ATP7B: variants seen among roughly 807,000 people sequenced by gnomAD.
ATP7B encodes the protein copper-transporting ATPase 2.
ATP7B carries 113 observed loss-of-function variants against 118.9 expected under a neutral mutation model. The ratio of observed to expected loss-of-function variants is 0.95; its 90% CI spans 0.82 to 1.11. The LOEUF is 1.11. ATP7B is among the 50% of genes most tolerant of loss of function. The pLI is 0.00. For missense variants in ATP7B, 1,867 were observed against 1,871.4 expected, an observed-to-expected ratio of 1.00 and a Z score of 0.04; for synonymous variants, 777 against 727.4, an observed-to-expected ratio of 1.07 and a Z score of -1.10.
intron 9 of ATP7B, among the ~76,000 whole-genome samples, chr13:51,956,387 G>A (rs548089482): frequency 2.0e-5 from 3 of 152,326 alleles, no homozygotes; most frequent in South Asian, 2.1e-4. Flanking sequence ...TGTGATACAT[G>A]GACAAGGGCA....
intron 19 of ATP7B, among the ~76,000 whole-genome samples, chr13:51,937,056 C>A (rs913950388): frequency 4.0e-5 from 6 of 151,664 alleles, no homozygotes; most frequent in Admixed American, 1.3e-4. Context: ...TCTCCACTAG[C>A]TTTTTAGAAA....
intron 4 of ATP7B, among the ~76,000 whole-genome samples, chr13:51,967,858 T>C (rs1246937171): frequency 6.6e-6 from 1 of 152,214 alleles, no homozygotes; most frequent in Non-Finnish European, 1.5e-5. Flanking sequence ...ACACATCCAT[T>C]GTTTTCAATA....
At chr13:51,935,810 G>A (rs901258393) in intron 19 of ATP7B, 115 bp from the exon 20 acceptor site, 22 of 850,894 alleles carry the variant, frequency 2.6e-5, no homozygotes, top group African/African-American at 1.5e-4. Flanking sequence ...TCCACCTGGC[G>A]TGCTCAGAAG....
intron 9 of ATP7B, among the ~76,000 whole-genome samples, chr13:51,950,807 A>G (rs1188847015): frequency 6.6e-6 from 1 of 152,186 alleles, no homozygotes; most frequent in Non-Finnish European, 1.5e-5. Context: ...TGAGACCTGC[A>G]TGCCAAGAAG....
rs903238569 is a variant in ATP7B, at chr13:51,934,028, C to T, written c.*728G>A. The T allele has an allele frequency of 6.5e-6, 1 of 153,596 alleles. No individual in the cohort carries two copies. The highest frequency in any genetic ancestry group is 1.4e-5 in the Non-Finnish European group (1 of 69,064). 9.5% of individuals were successfully genotyped at this position (153,596 alleles called of 1,614,324 possible). ...GGGGCTTTAAGCAAAAAAGAACTCT[C>T]CTCAACTTGAAGAAGAGTGTGGCAA... On this transcript the variant is annotated 3_prime_UTR_variant, in exon 21 of 21. Transcript: ENST00000242839.
At chr13:51,964,108 AACACACAC>A (rs17334263) in intron 5 of ATP7B, among the ~76,000 whole-genome samples, 1 of 145,652 alleles carries the variant, frequency 6.9e-6, no homozygotes, top group East Asian at 2.0e-4. Flanking sequence ...TCTCTCTTTA[AACACACAC>A]ACACACACAC....
chr13:51,983,646 T>C (rs962614485), intron 1 of ATP7B, among the ~76,000 whole-genome samples: 3 of 95,962 alleles, frequency 3.1e-5, no homozygotes, highest in Non-Finnish European at 6.9e-5. Flanking sequence ...GGCCAAAAGA[T>C]ACCCCATACA....
chr13:51,982,851 A>C (rs531204108), intron 1 of ATP7B, among the ~76,000 whole-genome samples: 84 of 152,322 alleles, frequency 5.5e-4, no homozygotes, highest in African/African-American at 1.9e-3. Flanking sequence ...GCCGCGAGGG[A>C]CTGTGCCATG....
chr13:51,998,159 A>G (rs1953307808), intron 1 of ATP7B, among the ~76,000 whole-genome samples: 1 of 152,124 alleles, frequency 6.6e-6, no homozygotes, highest in South Asian at 2.1e-4. Flanking sequence ...GAATTCCAGC[A>G]TCACTAATGT....
At chr13:51,979,271 T>C (rs559080047) in intron 1 of ATP7B, among the ~76,000 whole-genome samples, 10 of 152,276 alleles carry the variant, frequency 6.6e-5, no homozygotes, top group African/African-American at 2.2e-4. Context: ...TACAATTCTG[T>C]CATGGTGCTA....
intron 15 of ATP7B, 22 bp downstream of exon 15, chr13:51,942,364 C>G (rs749815334): frequency 6.2e-7 from 1 of 1,613,600 alleles, no homozygotes; most frequent in South Asian, 1.1e-5. Flanking sequence ...TAACCAGCTG[C>G]AGAGACAAAA....
intron 6 of ATP7B, among the ~76,000 whole-genome samples, chr13:51,960,790 A>C (rs1450472048): frequency 6.6e-6 from 1 of 152,220 alleles, no homozygotes; most frequent in African/African-American, 2.4e-5. Flanking sequence ...AATAGAGTCC[A>C]TGAGAACAGT....
intron 1 of ATP7B, among the ~76,000 whole-genome samples, chr13:52,007,405 A>G (rs562582098): frequency 6.6e-6 from 1 of 152,242 alleles, no homozygotes; most frequent in Admixed American, 6.5e-5. Context: ...CCCATCTGTA[A>G]AGCAATGATG....
intron 6 of ATP7B, among the ~76,000 whole-genome samples, chr13:51,961,130 C>CGT (rs1958710563): frequency 6.6e-6 from 1 of 151,946 alleles, no homozygotes; most frequent in Non-Finnish European, 1.5e-5. Flanking sequence ...AACTTCCACT[C>CGT]ATTCTTTGAG....
rs541500838 is a variant in ATP7B at position 51,993,822 on chromosome 13, G to T, written c.51+17465C>A. On this transcript the variant is annotated intron_variant, in intron 1 of 20. Transcript: ENST00000242839. ...ACTTTGCAATGAAGAATCTAAAGGA[G>T]AGTGTCCAAGACTCACCTGCCCAGG... Among the ~76,000 whole-genome samples the T allele has an allele frequency of 7.9e-5, 12 of 152,284 alleles. No individual in the cohort carries two copies. The South Asian group carries it at 1.7e-3, about 21-fold the overall frequency.
intron 4 of ATP7B, chr13:51,967,236 T>C (rs1162139200): frequency 2.1e-6 from 2 of 942,914 alleles, no homozygotes; most frequent in African/African-American, 1.7e-5. Context: ...GTTTCTTTCT[T>C]TTTTTTTTCA....
chr13:51,973,286 C>T (rs552566746), intron 2 of ATP7B, among the ~76,000 whole-genome samples: 19 of 152,284 alleles, frequency 1.2e-4, no homozygotes, highest in Non-Finnish European at 2.5e-4. Context: ...GAATTCTCTC[C>T]AGAAAAGAAG....
Position 52,011,304 on chromosome 13 carries a change from C to G in ATP7B, c.34G>C (p.Glu12Gln), listed in dbSNP as rs1382531592. ...PEQERQITAR[E>Q]GASRKILSKL... Reference sequence around the variant, plus strand: ...AAACTCACTTTCCGACTGGCCCCTTCTCTGGCTGTGATCTGTCTCTCCTGC... The same window carrying G: ...AAACTCACTTTCCGACTGGCCCCTTGTCTGGCTGTGATCTGTCTCTCCTGC... Residue 12 changes from glutamate (E) to glutamine (Q), a missense_variant, in exon 1 of 21, where the codon GAA becomes CAA. By Grantham distance (29) the Glu-to-Gln change is conservative. Transcript: ENST00000242839. 6.2e-7 allele frequency: 1 copy of G among 1,614,116 alleles called. No individual in the cohort carries two copies. Among genetic ancestry groups the G allele is most frequent in the Non-Finnish European group, 8.5e-7 (1 of 1,180,026 alleles).
intron 1 of ATP7B, among the ~76,000 whole-genome samples, chr13:52,010,147 CT>C (rs1443220633): frequency 6.6e-6 from 1 of 152,110 alleles, no homozygotes; most frequent in African/African-American, 2.4e-5. Context: ...CAAGCCACCC[CT>C]CCCAACATTT....
Sources: allele counts gnomAD v4.1 joint callset (sites outside exome capture counted in the v4.1 genomes callset), GRCh38; gene constraint gnomAD v4.1.1; transcripts MANE v1.5; gene names NCBI Gene and HGNC (gene_info 2026-07-23, HGNC 2026-07-21).